Variants in RERE observed in about 807,000 individuals in gnomAD.
The protein encoded by RERE is arginine-glutamic acid dipeptide repeats.
RERE carries 40 observed loss-of-function variants against 146.1 expected under a neutral mutation model. The observed-to-expected ratio is 0.27, with a 90% confidence interval of 0.21 to 0.36. The LOEUF (loss-of-function observed/expected upper bound fraction) is 0.36. Among genes scored for constraint, RERE ranks in the 10% least tolerant of loss-of-function variants. The pLI, the probability that RERE is intolerant of heterozygous loss-of-function variation, is 1.00. For synonymous variants in RERE, 1,003 were observed against 866.0 expected, an observed-to-expected ratio of 1.16 and a Z score of -2.78; for missense variants, 1,933 against 2,138.7, an observed-to-expected ratio of 0.90 and a Z score of 1.90.
chr1:8,801,223 G>A (rs1641585806), intron 1 of RERE, among the ~76,000 whole-genome samples: 2 of 151,982 alleles, frequency 1.3e-5, no homozygotes, highest in Admixed American at 1.3e-4. Context: ...TCGCGCCACT[G>A]CACTCCAACC....
chr1:8,414,260 T>C (rs1643697687), intron 12 of RERE, among the ~76,000 whole-genome samples: 1 of 151,620 alleles, frequency 6.6e-6, no homozygotes, highest in African/African-American at 2.4e-5. Context: ...GATATTTCAA[T>C]AGTCGGCCGG....
chr1:8,658,938 T>C (rs1292281784), intron 1 of RERE, among the ~76,000 whole-genome samples: 1 of 152,190 alleles, frequency 6.6e-6, no homozygotes, highest in African/African-American at 2.4e-5. Flanking sequence ...TATTTAGTCT[T>C]TGGAAGATAG....
chr1:8,783,285 T>C (rs1417466989), intron 1 of RERE, among the ~76,000 whole-genome samples: 1 of 152,034 alleles, frequency 6.6e-6, no homozygotes, highest in East Asian at 1.9e-4. Context: ...CAGTGAGCCG[T>C]GTTCACACCA....
intron 11 of RERE, among the ~76,000 whole-genome samples, chr1:8,426,840 T>C (rs1283646988): frequency 6.6e-6 from 1 of 152,160 alleles, no homozygotes; most frequent in Non-Finnish European, 1.5e-5. Flanking sequence ...CACGTTCACC[T>C]CAAAATCTCT....
intron 1 of RERE, among the ~76,000 whole-genome samples, chr1:8,701,061 G>GTC (rs1023292606): frequency 2.6e-5 from 4 of 152,168 alleles, no homozygotes; most frequent in Admixed American, 2.6e-4. Context: ...AACCTTCAGT[G>GTC]TAAGATAAAA....
chr1:8,465,569 G>A, intron 11 of RERE: 1 of 362,080 alleles, frequency 2.8e-6, no homozygotes, highest in South Asian at 2.1e-5. Flanking sequence ...CCCTACTTTA[G>A]GTTATATGTC....
intron 11 of RERE, among the ~76,000 whole-genome samples, chr1:8,439,999 G>A (rs768039648): frequency 1.2e-4 from 19 of 152,062 alleles, no homozygotes; most frequent in Non-Finnish European, 2.2e-4. Context: ...GCTTCAACCC[G>A]GGAGGCAGAG....
intron 1 of RERE, among the ~76,000 whole-genome samples, chr1:8,706,598 A>G (rs1639565924): frequency 6.6e-6 from 1 of 152,242 alleles, no homozygotes; most frequent in East Asian, 1.9e-4. Flanking sequence ...TACTTTGTAC[A>G]CTAGTTTGTC....
intron 2 of RERE, among the ~76,000 whole-genome samples, chr1:8,635,977 CTTATT>C (rs70985503): frequency 0.42 from 57,468 of 136,420 alleles, 12,135 homozygotes; most frequent in Non-Finnish European, 0.5. Context: ...CTTATCTTAT[CTTATT>C]TTATTTTATT....
chr1:8,443,900 G>A (rs913442117), intron 11 of RERE, among the ~76,000 whole-genome samples: 2 of 152,148 alleles, frequency 1.3e-5, no homozygotes, highest in Admixed American at 6.5e-5. Flanking sequence ...AGATTTCAGA[G>A]GATGTATCAG....
intron 1 of RERE, among the ~76,000 whole-genome samples, chr1:8,685,258 G>A (rs1240364853): frequency 1.3e-5 from 2 of 152,110 alleles, no homozygotes; most frequent in African/African-American, 2.4e-5. Flanking sequence ...ACACAGAAAG[G>A]CTTTCCAGGA....
intron 10 of RERE, among the ~76,000 whole-genome samples, chr1:8,484,225 G>C (rs1288786918): frequency 6.6e-6 from 1 of 152,002 alleles, no homozygotes; most frequent in Admixed American, 6.6e-5. Context: ...ACCCCATTAG[G>C]ATAAGACAGA....
chr1:8,586,589 G>A (rs761355104), intron 4 of RERE, among the ~76,000 whole-genome samples: 2 of 152,056 alleles, frequency 1.3e-5, no homozygotes, highest in Non-Finnish European at 2.9e-5. Context: ...GAAGGGAAGC[G>A]AATCTAAAAG....
chr1:8,360,512 A>T lies in RERE; in HGVS notation c.2995T>A (p.Ser999Thr). 1 of 977,994 alleles carries T rather than the reference A, an allele frequency of 1.0e-6. No individual in the cohort carries two copies. The highest frequency in any genetic ancestry group is 1.3e-6 in the Non-Finnish European group (1 of 781,596). The allele number at this position is 977,994 out of a possible 1,614,324, so 60.6% of individuals were successfully genotyped here. Residue 999 changes from serine to threonine, a missense_variant, in exon 18 of 23, where the codon TCC becomes ACC. Around this residue, in one of 11 missense-constraint regions of RERE, gnomAD observed 1,255 missense variants for 1,153.8 expected, o/e 1.09. Transcript: ENST00000400908. ...QLMPQSQPLP[S>T]SPAQPPGLTQ... ...AGCCCGGGGGGCTGGGCGGGCGAGG[A>T]GGGCAATGGCTGGCTCTGAGGCATG... is the stretch of plus-strand genomic sequence containing the variant.
chr1:8,765,651 T>A (rs1318110011), intron 1 of RERE, among the ~76,000 whole-genome samples: 2 of 152,114 alleles, frequency 1.3e-5, no homozygotes, highest in African/African-American at 2.4e-5. Flanking sequence ...AAACCCCATC[T>A]CTACTAAAAA....
chr1:8,577,559 A>G (rs936772039), intron 4 of RERE, among the ~76,000 whole-genome samples: 14 of 152,234 alleles, frequency 9.2e-5, no homozygotes, highest in African/African-American at 3.1e-4. Flanking sequence ...GAAGAAAATC[A>G]CATACTCCTT....
chr1:8,386,022 A>ATTTTTTTT (rs60050106), intron 12 of RERE, among the ~76,000 whole-genome samples: 12 of 26,636 alleles, frequency 4.5e-4, no homozygotes, highest in Admixed American at 9.5e-4. Flanking sequence ...ATATATATAT[A>ATTTTTTTT]TTTTTTTTTT....
intron 2 of RERE, among the ~76,000 whole-genome samples, chr1:8,633,385 T>C (rs917084228): frequency 6.8e-6 from 1 of 147,604 alleles, no homozygotes; most frequent in African/African-American, 2.7e-5. Flanking sequence ...ATAGCACCAC[T>C]GCGTGCCAGC....
At chr1:8,361,528 G>A in intron 17 of RERE, 38 bp from the exon 18 acceptor site, 1 of 1,601,934 alleles carries the variant, frequency 6.2e-7, no homozygotes. Flanking sequence ...GTCCCAGGAG[G>A]GCAGAGCCCT....
Sources: gnomAD v4.1 joint callset for allele counts (sites outside exome capture counted in the v4.1 genomes callset) on GRCh38, gnomAD v4.1.1 for gene constraint, gnomAD v4.1.1 regional missense constraint, MANE v1.5 for transcripts, NCBI Gene and HGNC (gene_info 2026-07-23, HGNC 2026-07-21) for gene names.